The following DYSF variants were observed in gnomAD, a reference collection of about 807,000 sequenced individuals.
DYSF encodes dystrophy-associated fer-1-like 1.
Under a neutral mutation model 274.9 loss-of-function variants are expected in DYSF, and 212 were observed. The observed-to-expected ratio is 0.77, with a 90% CI of 0.69 to 0.86. The LOEUF is 0.86. Among genes scored for constraint, DYSF ranks in the 40% least tolerant of loss-of-function variants. The probability of loss-of-function intolerance (pLI) is 0.00; values close to 1 mark genes in which losing one functional copy is unlikely to be tolerated. For synonymous variants in DYSF, 1,091 were observed against 1,078.7 expected (o/e 1.01, Z -0.22); for missense variants, 2,666 against 2,783.2 (o/e 0.96, Z 0.95).
chr2:71,455,958 T>C (rs1486583575), intron 1 of DYSF, among the ~76,000 whole-genome samples: 2 of 152,118 alleles, frequency 1.3e-5, no homozygotes, highest in African/African-American at 4.8e-5. Flanking sequence ...AAGGAAAGAA[T>C]GAATAATAAA....
At chr2:71,535,419 T>C (rs2089229081) in intron 16 of DYSF, 108 bp downstream of exon 16, 2 of 1,212,220 alleles carry the variant, frequency 1.6e-6, no homozygotes, top group South Asian at 1.2e-5. Context: ...AGGGAGAAGT[T>C]TCAGGTGAGG....
At position 71,679,254 on chromosome 2, in the gene DYSF, GC is replaced by G. The variant is rs1446197185; in HGVS notation, c.6063+23del. On this transcript the variant is annotated intron_variant, in intron 53 of 55. Transcript: ENST00000410020. ...ACTGGCGGTAAGTCTACTTCCTCCA[GC>G]CCCAGTGGAGGGCATGGGGGAAGCT... is the stretch of plus-strand genomic sequence containing the variant. The G allele has an allele frequency of 1.2e-6, 2 of 1,611,462 alleles. No individual in the cohort carries two copies. Among genetic ancestry groups the G allele is most frequent in the South Asian group, 1.1e-5 (1 of 90,906 alleles).
At chr2:71,575,710 G>A (rs1003773022) in intron 30 of DYSF, among the ~76,000 whole-genome samples, 3 of 152,162 alleles carry the variant, frequency 2.0e-5, no homozygotes, top group Admixed American at 2.0e-4. Flanking sequence ...AGAAGGCCAG[G>A]AAAGCACCCT....
chr2:71,631,349 G>T (rs1558673237), intron 41 of DYSF, among the ~76,000 whole-genome samples: 1 of 152,160 alleles, frequency 6.6e-6, no homozygotes, highest in African/African-American at 2.4e-5. Context: ...CTTAAAGTAG[G>T]TTTCCTAAGG....
chr2:71,669,403 G>A (rs2095078902), intron 50 of DYSF, among the ~76,000 whole-genome samples, 196 bp downstream of exon 50: 1 of 152,114 alleles, frequency 6.6e-6, no homozygotes, highest in Non-Finnish European at 1.5e-5. Flanking sequence ...TGAACTTTGG[G>A]TTGAACTTAC....
At chr2:71,543,434 A>C (rs1211549684) in intron 17 of DYSF, among the ~76,000 whole-genome samples, 1 of 147,598 alleles carries the variant, frequency 6.8e-6, no homozygotes, top group African/African-American at 2.5e-5. Flanking sequence ...CCAGGCAGAG[A>C]CGCTCCTCAC....
intron 30 of DYSF, among the ~76,000 whole-genome samples, chr2:71,588,335 C>G (rs1028871049): frequency 2.6e-5 from 4 of 152,020 alleles, no homozygotes; most frequent in African/African-American, 9.7e-5. Flanking sequence ...GGATGGCTGG[C>G]CAGAGGTGGG....
intron 40 of DYSF, among the ~76,000 whole-genome samples, chr2:71,618,568 TTGTG>T (rs2093997076): frequency 3.4e-4 from 6 of 17,598 alleles, no homozygotes; most frequent in African/African-American, 5.3e-4. Context: ...GAGTGTGTGT[TTGTG>T]TGGGGTAGAG....
intron 47 of DYSF, among the ~76,000 whole-genome samples, chr2:71,666,772 G>C (rs1217744817): frequency 6.6e-6 from 1 of 152,240 alleles, no homozygotes; most frequent in Non-Finnish European, 1.5e-5. Context: ...TCTGCTGCTA[G>C]TTGTGTGGCT....
rs2095263224 is a variant in DYSF, at chr2:71,679,098, A to G, written c.5926A>G (p.Lys1976Glu). The G allele has an allele frequency of 1.9e-6, 3 of 1,614,018 alleles. No homozygotes were observed. The highest frequency in any genetic ancestry group is 2.5e-6 in the Non-Finnish European group (3 of 1,179,920). The change falls in exon 53 of 56, where the codon AAG becomes GAG. Residue 1976 changes from lysine to glutamate, a missense_variant. Lys to Glu is a moderately conservative substitution (Grantham distance 56). Around this residue, in one of 3 missense-constraint regions of DYSF, gnomAD observed 1,460 missense variants for 1,502.1 expected, o/e 0.97. Coordinates refer to ENST00000410020, the MANE Select transcript of DYSF (RefSeq NM_001130987.2). ...LDLNRMPKPA[K>E]TAKKCSLDQL... ...TCTCAACCGCATGCCCAAGCCAGCC[A>G]AGACAGCCAAGAAGTGCTCCTTGGA...
chr2:71,559,737 C>T (rs2091596819), intron 22 of DYSF, among the ~76,000 whole-genome samples: 1 of 152,240 alleles, frequency 6.6e-6, no homozygotes, highest in African/African-American at 2.4e-5. Context: ...CTCAGGGCCA[C>T]TTCCTCCAGG....
intron 4 of DYSF, among the ~76,000 whole-genome samples, chr2:71,508,022 T>C (rs1485231264): frequency 6.6e-6 from 1 of 152,218 alleles, no homozygotes; most frequent in East Asian, 1.9e-4. Context: ...ATGCAGCTGG[T>C]CCTGACCTCA....
At chr2:71,589,484 C>CGGCAG in intron 30 of DYSF, 109 bp from the exon 31 acceptor site, 1 of 866,260 alleles carries the variant, frequency 1.2e-6, no homozygotes, top group Non-Finnish European at 2.0e-6. Context: ...GTTCAGCTTT[C>CGGCAG]GGCAGCGGAG....
At chr2:71,566,840 G>T (rs370493917) in intron 24 of DYSF, among the ~76,000 whole-genome samples, 1 of 152,206 alleles carries the variant, frequency 6.6e-6, no homozygotes, top group African/African-American at 2.4e-5. Context: ...GGCTGTGTCC[G>T]CAGGAGGGAA....
At chr2:71,482,027 G>A in intron 3 of DYSF, 57 bp downstream of exon 3, 2 of 1,431,072 alleles carry the variant, frequency 1.4e-6, no homozygotes, top group Non-Finnish European at 2.0e-6. Flanking sequence ...GGATTGTGGA[G>A]TATACAGACT....
At chr2:71,518,611 C>A (rs1042672961) in intron 10 of DYSF, among the ~76,000 whole-genome samples, 4 of 152,004 alleles carry the variant, frequency 2.6e-5, no homozygotes, top group Admixed American at 2.6e-4. Context: ...CTAATTTTCT[C>A]ATTTTGAAAT....
At chr2:71,648,884 G>C (rs893802348) in intron 42 of DYSF, among the ~76,000 whole-genome samples, 2 of 152,134 alleles carry the variant, frequency 1.3e-5, no homozygotes, top group African/African-American at 4.8e-5. Flanking sequence ...AGGGTGACCT[G>C]AGGATTATAT....
chr2:71,654,257 A>T (rs1171017182), intron 42 of DYSF, among the ~76,000 whole-genome samples: 1 of 152,242 alleles, frequency 6.6e-6, no homozygotes, highest in Admixed American at 6.5e-5. Flanking sequence ...GTGTACAGTG[A>T]TGGTGAAAGG....
chr2:71,618,494 GAT>G (rs2093991212), intron 40 of DYSF, among the ~76,000 whole-genome samples: 11 of 129,684 alleles, frequency 8.5e-5, no homozygotes, highest in Admixed American at 2.5e-4. Context: ...TGGTAGAGGT[GAT>G]GTGTGTGTTT....
Sources: gnomAD v4.1 joint callset for allele counts (sites outside exome capture counted in the v4.1 genomes callset) on GRCh38, gnomAD v4.1.1 for gene constraint, gnomAD v4.1.1 regional missense constraint, MANE v1.5 for transcripts, NCBI Gene and HGNC (gene_info 2026-07-23, HGNC 2026-07-21) for gene names.